The following KPNA3 variants were observed in gnomAD, a reference collection of about 807,000 sequenced individuals.
The protein encoded by KPNA3 is importin subunit alpha-4.
A neutral mutation model predicts 73.8 loss-of-function variants in KPNA3; 13 were observed. The ratio of observed to expected loss-of-function variants is 0.18; its 90% CI spans 0.11 to 0.28. The LOEUF (loss-of-function observed/expected upper bound fraction) is 0.28, where lower values mean the gene tolerates loss of function less well. KPNA3 is among the 10% of genes least tolerant of loss of function. The pLI, the probability that KPNA3 is intolerant of heterozygous loss-of-function variation, is 1.00. For missense variants in KPNA3, 360 were observed against 618.1 expected (o/e 0.58, Z 4.43); for synonymous variants, 186 against 206.9 (o/e 0.90, Z 0.87).
At chr13:49,708,218 A>G (rs925100071) in intron 12 of KPNA3, among the ~76,000 whole-genome samples, 4 of 151,978 alleles carry the variant, frequency 2.6e-5, no homozygotes, top group African/African-American at 9.7e-5. Context: ...GATGGTCTCA[A>G]TCTCCTGACC....
chr13:49,734,936 T>TAGAG (rs1270805373), intron 2 of KPNA3, among the ~76,000 whole-genome samples: 1 of 144,916 alleles, frequency 6.9e-6, no homozygotes, highest in Admixed American at 6.8e-5. Flanking sequence ...TATATATATA[T>TAGAG]ATAGAGAGAG....
intron 1 of KPNA3, among the ~76,000 whole-genome samples, chr13:49,761,073 T>C (rs912944332): frequency 1.3e-5 from 2 of 152,216 alleles, no homozygotes; most frequent in African/African-American, 4.8e-5. Flanking sequence ...AAACAGTATA[T>C]GTTACTTCTG....
chr13:49,787,916 G>T (rs754673457), intron 1 of KPNA3, among the ~76,000 whole-genome samples: 4 of 152,144 alleles, frequency 2.6e-5, no homozygotes, highest in South Asian at 2.1e-4. Context: ...CTGACCTCGG[G>T]TGATCCACCT....
At chr13:49,783,445 G>A (rs377464633) in intron 1 of KPNA3, among the ~76,000 whole-genome samples, 1 of 151,942 alleles carries the variant, frequency 6.6e-6, no homozygotes, top group Non-Finnish European at 1.5e-5. Context: ...TGTATCCTCG[G>A]GGGGGTTGGC....
intron 7 of KPNA3, among the ~76,000 whole-genome samples, chr13:49,724,234 A>C (rs1044590710): frequency 9.2e-5 from 14 of 152,154 alleles, no homozygotes; most frequent in African/African-American, 3.1e-4. Context: ...ATTTATGTAC[A>C]AGTGTTTGTA....
intron 1 of KPNA3, among the ~76,000 whole-genome samples, chr13:49,758,617 T>C (rs1340727553): frequency 6.6e-6 from 1 of 152,190 alleles, no homozygotes; most frequent in African/African-American, 2.4e-5. Flanking sequence ...GAAAGACGGA[T>C]ATATGATAGA....
At chr13:49,749,390 G>C (rs1260215539) in intron 1 of KPNA3, among the ~76,000 whole-genome samples, 1 of 152,218 alleles carries the variant, frequency 6.6e-6, no homozygotes, top group African/African-American at 2.4e-5. Context: ...AAGTAGAACA[G>C]TTATTCAAGA....
chr13:49,766,760 G>A (rs1444389257), intron 1 of KPNA3, among the ~76,000 whole-genome samples: 1 of 151,874 alleles, frequency 6.6e-6, no homozygotes, highest in Non-Finnish European at 1.5e-5. Context: ...ATATAGCAGG[G>A]GGTGGAGAAG....
intron 1 of KPNA3, among the ~76,000 whole-genome samples, chr13:49,747,276 C>T (rs1202942356): frequency 1.3e-5 from 2 of 151,362 alleles, no homozygotes; most frequent in African/African-American, 4.9e-5. Flanking sequence ...ACCCGGGAGG[C>T]GGGGGGATGC....
chr13:49,743,930 T>C (rs575787183), intron 2 of KPNA3, among the ~76,000 whole-genome samples: 3 of 152,302 alleles, frequency 2.0e-5, no homozygotes, highest in African/African-American at 2.4e-5. Context: ...TTTACTTCTA[T>C]TGCATCTATT....
chr13:49,712,889 A>C (rs1359008682), intron 10 of KPNA3, among the ~76,000 whole-genome samples: 3 of 152,074 alleles, frequency 2.0e-5, no homozygotes, highest in Non-Finnish European at 4.4e-5. Flanking sequence ...GCAGAGAAAA[A>C]AAAAAACACA....
intron 10 of KPNA3, among the ~76,000 whole-genome samples, chr13:49,714,285 AAAACAAAAAAC>A (rs1274720619): frequency 6.6e-6 from 1 of 152,166 alleles, no homozygotes; most frequent in Admixed American, 6.5e-5. Flanking sequence ...TTCTCTGAAA[AAAACAAAAAAC>A]AAACAAAAAA....
chr13:49,777,861 C>G (rs1270031331), intron 1 of KPNA3, among the ~76,000 whole-genome samples: 1 of 151,968 alleles, frequency 6.6e-6, no homozygotes, highest in African/African-American at 2.4e-5. Context: ...TATGAGGAAA[C>G]CTTTATTCCA....
At chr13:49,750,865 G>T (rs1395652095) in intron 1 of KPNA3, among the ~76,000 whole-genome samples, 1 of 152,096 alleles carries the variant, frequency 6.6e-6, no homozygotes, top group Non-Finnish European at 1.5e-5. Flanking sequence ...GGTGGCGCAC[G>T]CCTGTAATCC....
At chr13:49,777,771 A>G (rs1292356820) in intron 1 of KPNA3, among the ~76,000 whole-genome samples, 3 of 151,880 alleles carry the variant, frequency 2.0e-5, no homozygotes, top group South Asian at 4.2e-4. Flanking sequence ...TAGGCCTCTC[A>G]AAGTGCTGAG....
intron 8 of KPNA3, 129 bp from the exon 9 acceptor site, chr13:49,722,253 G>A: frequency 1.4e-6 from 1 of 731,668 alleles, no homozygotes; most frequent in Non-Finnish European, 2.1e-6. Flanking sequence ...GGCATCAAGT[G>A]TTGTTTCTCC....
At chr13:49,714,365 T>C (rs1954286819) in intron 10 of KPNA3, among the ~76,000 whole-genome samples, 2 of 151,776 alleles carry the variant, frequency 1.3e-5, no homozygotes, top group Middle Eastern at 6.8e-3. Context: ...GGGGCACAAA[T>C]ACACAAAATC....
chr13:49,752,884 G>A (rs985290822), intron 1 of KPNA3, among the ~76,000 whole-genome samples: 11 of 151,500 alleles, frequency 7.3e-5, no homozygotes, highest in Admixed American at 3.3e-4. Context: ...AAAATTAGCC[G>A]GGCATGGTGG....
intron 1 of KPNA3, among the ~76,000 whole-genome samples, chr13:49,765,391 T>C (rs1044348043): frequency 1.9e-4 from 29 of 152,236 alleles, no homozygotes; most frequent in African/African-American, 7.0e-4. Flanking sequence ...TTACCTTTTT[T>C]GTCATAACAG....
Sources: gnomAD v4.1 joint callset for allele counts (sites outside exome capture counted in the v4.1 genomes callset) on GRCh38, gnomAD v4.1.1 for gene constraint, MANE v1.5 for transcripts, NCBI Gene and HGNC (gene_info 2026-07-23, HGNC 2026-07-21) for gene names.